Variants in NELL1 observed in about 807,000 individuals in gnomAD.
NELL1 encodes neural EGFL like 1.
In NELL1, 76 loss-of-function variants were observed where a neutral mutation model predicts 107.4. The observed-to-expected ratio is 0.71, with a 90% CI of 0.59 to 0.86. The LOEUF (loss-of-function observed/expected upper bound fraction) is 0.86. Ranked by LOEUF, NELL1 falls within the 40% of genes least tolerant of loss-of-function variation. The pLI, the probability that NELL1 is intolerant of heterozygous loss-of-function variation, is 0.00. For synonymous variants in NELL1, 353 were observed against 341.2 expected, an observed-to-expected ratio of 1.03 and a Z score of -0.38; for missense variants, 1,024 against 1,005.5, an observed-to-expected ratio of 1.02 and a Z score of -0.25.
rs1329707664 is a variant in NELL1 at position 20,722,806 on chromosome 11, G to GAATATA, written c.184+44746_184+44747insAATATA. 5.3e-5 allele frequency among the ~76,000 whole-genome samples: 8 copies of GAATATA among 152,282 alleles called. No individual in the cohort carries two copies. The South Asian group carries it at 1.4e-3, about 28-fold the overall frequency. ...AGTTGATTACTCAGTCTCTGTATCAGTCTATTCTCACACTGCTATAAAGAT... is the reference window on the plus strand; with the variant it reads ...AGTTGATTACTCAGTCTCTGTATCAGAATATATCTATTCTCACACTGCTATAAAGAT... On this transcript the variant is annotated intron_variant, in intron 2 of 19. Transcript: ENST00000357134.
At chr11:20,869,904 A>G (rs1309027354) in intron 4 of NELL1, among the ~76,000 whole-genome samples, 3 of 152,208 alleles carry the variant, frequency 2.0e-5, no homozygotes, top group Admixed American at 2.0e-4. Context: ...AACAGAAATC[A>G]ACTTGAATAC....
chr11:21,169,347 A>G (rs938609995), intron 13 of NELL1, among the ~76,000 whole-genome samples: 2 of 151,826 alleles, frequency 1.3e-5, no homozygotes, highest in African/African-American at 4.9e-5. Flanking sequence ...AACTTGCTAG[A>G]AAGAACAGCA....
chr11:21,113,220 A>G (rs894578583), intron 12 of NELL1, among the ~76,000 whole-genome samples: 1 of 152,040 alleles, frequency 6.6e-6, no homozygotes, highest in Middle Eastern at 3.2e-3. Context: ...GATAAAAGCT[A>G]TACCATGTAC....
rs187784352 is a variant in NELL1 at position 20,768,643 on chromosome 11, G to C, written c.185-15037G>C. Reference sequence around the variant, plus strand: ...CCAGGTGGGGCCTGTGTAATCACAAGGGTTCTCATAAGAGAAAGACATGAG... The same window carrying C: ...CCAGGTGGGGCCTGTGTAATCACAACGGTTCTCATAAGAGAAAGACATGAG... On this transcript the variant is annotated intron_variant, in intron 2 of 19. Transcript: ENST00000357134. 1.6e-4 allele frequency among the ~76,000 whole-genome samples: 24 copies of C among 152,360 alleles called. 1 individual carries two copies. The highest frequency in any genetic ancestry group is 5.8e-4 in the African/African-American group (24 of 41,594).
intron 16 of NELL1, among the ~76,000 whole-genome samples, chr11:21,549,713 G>A (rs1856530028): frequency 6.6e-6 from 1 of 151,730 alleles, no homozygotes; most frequent in Non-Finnish European, 1.5e-5. Flanking sequence ...TTGTAATCTG[G>A]CACCCTGAGT....
rs112464393 is a variant in NELL1 at position 21,385,287 on chromosome 11, CTG to C, written c.1645+14344_1645+14345del. ...CAGGGTAGTACCTAGCACATAGGAACTGTGTGAAACATTTACTGAAAAAGCAG... is the reference window on the plus strand; with the variant it reads ...CAGGGTAGTACCTAGCACATAGGAACTGTGAAACATTTACTGAAAAAGCAG... On this transcript the variant is annotated intron_variant, in intron 15 of 19. Transcript: ENST00000357134. 7.5e-3 allele frequency among the ~76,000 whole-genome samples: 1,145 copies of C among 151,982 alleles called. 16 individuals carry two copies. Among genetic ancestry groups the C allele is most frequent in the African/African-American group, 0.026 (1,080 of 41,516 alleles).
At chr11:21,305,207 A>G (rs183225316) in intron 14 of NELL1, among the ~76,000 whole-genome samples, 21 of 152,174 alleles carry the variant, frequency 1.4e-4, no homozygotes, top group Admixed American at 5.2e-4. Context: ...TGTATGGTCA[A>G]TCTTTCTTGG....
intron 3 of NELL1, among the ~76,000 whole-genome samples, chr11:20,805,897 TC>T (rs1857372469): frequency 6.6e-6 from 1 of 152,244 alleles, no homozygotes; most frequent in Non-Finnish European, 1.5e-5. Flanking sequence ...CTTCATCCTC[TC>T]ACTTTTTATC....
intron 14 of NELL1, among the ~76,000 whole-genome samples, chr11:21,365,380 T>C (rs532850695): frequency 6.6e-6 from 1 of 152,302 alleles, no homozygotes; most frequent in Admixed American, 6.5e-5. Flanking sequence ...CAAACTTCGA[T>C]AACTTATTTA....
At chr11:20,817,605 C>G (rs1466407871) in intron 3 of NELL1, among the ~76,000 whole-genome samples, 2 of 151,756 alleles carry the variant, frequency 1.3e-5, no homozygotes, top group Non-Finnish European at 2.9e-5. Context: ...TTTTGTTGAT[C>G]CTTTGTATGG....
At chr11:20,697,337 T>C (rs1439390029) in intron 2 of NELL1, among the ~76,000 whole-genome samples, 1 of 151,912 alleles carries the variant, frequency 6.6e-6, no homozygotes, top group Admixed American at 6.6e-5. Context: ...GTGTCATCGG[T>C]GGTTCATTTA....
chr11:21,033,027 A>G (rs1853001661), intron 12 of NELL1, among the ~76,000 whole-genome samples: 2 of 152,170 alleles, frequency 1.3e-5, no homozygotes, highest in South Asian at 2.1e-4. Context: ...GTTTAATTCT[A>G]AGATTACAGG....
intron 14 of NELL1, among the ~76,000 whole-genome samples, chr11:21,268,418 A>G (rs1408731459): frequency 1.3e-5 from 2 of 152,102 alleles, no homozygotes; most frequent in Non-Finnish European, 2.9e-5. Context: ...GAACTATTTT[A>G]TTTAGCACAG....
At chr11:20,777,806 G>A (rs963223242) in intron 2 of NELL1, among the ~76,000 whole-genome samples, 5 of 138,450 alleles carry the variant, frequency 3.6e-5, no homozygotes, top group African/African-American at 1.2e-4. Context: ...AGGCTGAGGC[G>A]GGCTGCCTTG....
chr11:21,303,119 T>TATATCTA, intron 14 of NELL1, among the ~76,000 whole-genome samples: 1 of 151,490 alleles, frequency 6.6e-6, no homozygotes, highest in Non-Finnish European at 1.5e-5. Context: ...TATATCTATC[T>TATATCTA]TCTGTCTATC....
chr11:20,994,386 A>G (rs566616362), intron 12 of NELL1, among the ~76,000 whole-genome samples: 1 of 152,364 alleles, frequency 6.6e-6, no homozygotes, highest in East Asian at 1.9e-4. Context: ...ATCTGTAGTG[A>G]TCAGTGCTTC....
chr11:21,284,999 A>C, intron 14 of NELL1: 1 of 166,980 alleles, frequency 6.0e-6, no homozygotes, highest in Non-Finnish European at 1.3e-5. Context: ...GTCCTGTCCT[A>C]CTTGTTACCT....
intron 12 of NELL1, among the ~76,000 whole-genome samples, chr11:21,067,018 A>G (rs1853892219): frequency 6.7e-6 from 1 of 149,908 alleles, no homozygotes; most frequent in Non-Finnish European, 1.5e-5. Context: ...ACCCTCTTGG[A>G]GTTACCTTTT....
chr11:21,032,788 T>A (rs1481121332), intron 12 of NELL1, among the ~76,000 whole-genome samples: 1 of 152,232 alleles, frequency 6.6e-6, no homozygotes, highest in African/African-American at 2.4e-5. Flanking sequence ...TCAATTGTTA[T>A]TTATATTATT....
Sources: gnomAD v4.1 joint callset for allele counts (sites outside exome capture counted in the v4.1 genomes callset) on GRCh38, gnomAD v4.1.1 for gene constraint, MANE v1.5 for transcripts, NCBI Gene and HGNC (gene_info 2026-07-23, HGNC 2026-07-21) for gene names.